LAMA2: variants seen among roughly 807,000 people sequenced by gnomAD.
LAMA2 encodes laminin subunit alpha 2.
A neutral mutation model predicts 364.8 loss-of-function variants in LAMA2; 269 were observed. That is an observed-to-expected ratio of 0.74 (90% confidence interval 0.67 to 0.82). The LOEUF (loss-of-function observed/expected upper bound fraction) is 0.82. Ranked by LOEUF, LAMA2 falls within the 40% of genes least tolerant of loss-of-function variation. The pLI is 0.00. For missense variants in LAMA2, 3,807 were observed against 3,873.2 expected, an observed-to-expected ratio of 0.98 and a Z score of 0.45; for synonymous variants, 1,379 against 1,370.6, an observed-to-expected ratio of 1.01 and a Z score of -0.14.
intron 1 of LAMA2, among the ~76,000 whole-genome samples, chr6:128,921,713 T>TTTTTTTTTTTTTTTTTTTTTTTAA (rs1328311348): frequency 5.5e-5 from 8 of 144,830 alleles, no homozygotes; most frequent in African/African-American, 2.0e-4. Context: ...TTTTTTTTTT[T>TTTTTTTTTTTTTTTTTTTTTTTAA]ATTATTATTA....
At chr6:128,947,908 G>C (rs1377122078) in intron 1 of LAMA2, among the ~76,000 whole-genome samples, 1 of 152,066 alleles carries the variant, frequency 6.6e-6, no homozygotes, top group Non-Finnish European at 1.5e-5. Flanking sequence ...AGCTCAGCAA[G>C]GTTTTTAGGG....
intron 15 of LAMA2, among the ~76,000 whole-genome samples, chr6:129,264,258 G>A (rs763260041): frequency 2.0e-5 from 3 of 152,022 alleles, no homozygotes; most frequent in African/African-American, 7.2e-5. Flanking sequence ...TTACTGATTC[G>A]AGACTGTATG....
At chr6:129,238,158 G>A (rs1785127338) in intron 12 of LAMA2, among the ~76,000 whole-genome samples, 1 of 149,048 alleles carries the variant, frequency 6.7e-6, no homozygotes, top group Non-Finnish European at 1.5e-5. Context: ...GGGCAACAGA[G>A]CAAGACTCCA....
intron 1 of LAMA2, among the ~76,000 whole-genome samples, chr6:128,939,682 T>C (rs983873082): frequency 6.6e-6 from 1 of 152,122 alleles, no homozygotes; most frequent in Non-Finnish European, 1.5e-5. Context: ...CAGAGAGGAA[T>C]AGGAGAGTCA....
intron 1 of LAMA2, among the ~76,000 whole-genome samples, chr6:128,938,804 G>A (rs1213405822): frequency 6.6e-6 from 1 of 152,098 alleles, no homozygotes; most frequent in Admixed American, 6.5e-5. Flanking sequence ...CAGCAAAAGG[G>A]ATAGAATTCT....
intron 58 of LAMA2, among the ~76,000 whole-genome samples, chr6:129,499,938 G>C (rs1166539434): frequency 6.6e-6 from 1 of 151,818 alleles, no homozygotes; most frequent in Non-Finnish European, 1.5e-5. Flanking sequence ...GAGACAGAGG[G>C]GGGCAGGGGT....
intron 12 of LAMA2, among the ~76,000 whole-genome samples, chr6:129,216,400 C>T (rs1478464894): frequency 6.6e-6 from 1 of 152,106 alleles, no homozygotes; most frequent in Non-Finnish European, 1.5e-5. Flanking sequence ...AGGATGGAGA[C>T]ACATAGTTAT....
intron 50 of LAMA2, among the ~76,000 whole-genome samples, 155 bp downstream of exon 50, chr6:129,464,607 T>C (rs900328199): frequency 4.6e-5 from 7 of 152,004 alleles, no homozygotes; most frequent in African/African-American, 7.2e-5. Context: ...GTGATACAGA[T>C]AGTGCTTATA....
chr6:129,063,640 T>A (rs1434406925), intron 3 of LAMA2, among the ~76,000 whole-genome samples: 1 of 152,122 alleles, frequency 6.6e-6, no homozygotes, highest in Non-Finnish European at 1.5e-5. Context: ...AATAAGCAAT[T>A]CACTTCTCTT....
At chr6:129,313,746 A>G (rs1473288408) in intron 23 of LAMA2, among the ~76,000 whole-genome samples, 2 of 152,214 alleles carry the variant, frequency 1.3e-5, no homozygotes, top group Non-Finnish European at 1.5e-5. Context: ...TCTTTTCAAG[A>G]TAAAATCTAT....
intron 29 of LAMA2, among the ~76,000 whole-genome samples, chr6:129,338,869 A>G (rs1203194124): frequency 6.7e-6 from 1 of 149,954 alleles, no homozygotes; most frequent in African/African-American, 2.4e-5. Context: ...TATCCGCATA[A>G]TTTGAGAATT....
intron 30 of LAMA2, 146 bp downstream of exon 30, chr6:129,342,613 A>T (rs937455562): frequency 1.3e-5 from 9 of 718,958 alleles, no homozygotes; most frequent in South Asian, 1.9e-5. Flanking sequence ...GAAACATGAC[A>T]AAAGTGAGTA....
chr6:129,256,974 A>T (rs994342532), intron 14 of LAMA2, among the ~76,000 whole-genome samples: 1 of 151,546 alleles, frequency 6.6e-6, no homozygotes, highest in Non-Finnish European at 1.5e-5. Context: ...CGTTTCTGAA[A>T]TAGTTCCAAT....
At chr6:129,313,712 G>A (rs1774375500) in intron 23 of LAMA2, among the ~76,000 whole-genome samples, 1 of 152,106 alleles carries the variant, frequency 6.6e-6, no homozygotes, top group African/African-American at 2.4e-5. Context: ...CAGGATAAAT[G>A]CAGTTTAAAC....
intron 28 of LAMA2, 130 bp downstream of exon 28, chr6:129,320,785 G>T: frequency 5.7e-6 from 4 of 697,006 alleles, no homozygotes; most frequent in Non-Finnish European, 1.1e-5. Context: ...CACAGTGTGA[G>T]ACACAGTGGC....
intron 1 of LAMA2, among the ~76,000 whole-genome samples, chr6:128,939,989 A>C (rs1780057558): frequency 6.6e-6 from 1 of 152,122 alleles, no homozygotes; most frequent in African/African-American, 2.4e-5. Context: ...GTGATGCAAA[A>C]GTTTACAGTG....
rs762849577 is a variant in LAMA2, at chr6:129,445,838, G to A, written c.6429+17G>A. ...GCCAATTCTGTAAGTTCTTTTTATC[G>A]TCAGTATCAGTAACTGATTGTAATT... On this transcript the variant is annotated intron_variant, in intron 45 of 64. Transcript: ENST00000421865. The A allele has an allele frequency of 5.6e-5, 90 of 1,600,516 alleles. 1 individual carries two copies. The highest frequency in any genetic ancestry group is 9.9e-5 in the South Asian group (9 of 90,784).
At chr6:129,313,515 A>G (rs1196710749) in intron 23 of LAMA2, among the ~76,000 whole-genome samples, 2 of 152,246 alleles carry the variant, frequency 1.3e-5, no homozygotes, top group African/African-American at 4.8e-5. Context: ...CAATCGCTGT[A>G]TACTAGAAAA....
At chr6:129,010,547 A>G (rs1211411719) in intron 1 of LAMA2, among the ~76,000 whole-genome samples, 1 of 152,234 alleles carries the variant, frequency 6.6e-6, no homozygotes, top group African/African-American at 2.4e-5. Flanking sequence ...TCTTTTGCCT[A>G]CTTTAAATAG....
Sources: gnomAD v4.1 joint callset for allele counts (sites outside exome capture counted in the v4.1 genomes callset) on GRCh38, gnomAD v4.1.1 for gene constraint, MANE v1.5 for transcripts, NCBI Gene and HGNC (gene_info 2026-07-23, HGNC 2026-07-21) for gene names.